The following AARSD1 variants were observed in gnomAD, a reference collection of about 807,000 sequenced individuals.
AARSD1 encodes the protein alanyl-tRNA editing protein Aarsd1.
In AARSD1, 44 loss-of-function variants were observed where a neutral mutation model predicts 48.7. That is an observed-to-expected ratio of 0.90 (90% CI 0.71 to 1.16). The LOEUF is 1.16. AARSD1 is among the 50% of genes most tolerant of loss of function. The pLI is 0.00. For synonymous variants in AARSD1, 189 were observed against 194.9 expected, an observed-to-expected ratio of 0.97 and a Z score of 0.25; for missense variants, 511 against 523.1, an observed-to-expected ratio of 0.98 and a Z score of 0.23.
At chr17:42,956,778 C>A (rs1226102489) in intron 4 of AARSD1, among the ~76,000 whole-genome samples, 1 of 139,184 alleles carries the variant, frequency 7.2e-6, no homozygotes, top group Non-Finnish European at 1.5e-5. Context: ...CGCCATTCAC[C>A]TGCCTCAGCC....
chr17:42,955,676 C>CTTAA, intron 7 of AARSD1, 166 bp downstream of exon 7: 1 of 1,162,556 alleles, frequency 8.6e-7, no homozygotes, highest in Non-Finnish European at 1.2e-6. Context: ...CTCCTGACCT[C>CTTAA]GTGATCCGCC....
chr17:42,956,063 T>C (rs1309147237), intron 6 of AARSD1, 91 bp from the exon 7 acceptor site: 11 of 1,609,644 alleles, frequency 6.8e-6, no homozygotes, highest in Non-Finnish European at 9.3e-6. Context: ...GAGAAACCTA[T>C]CTGTTCCTCA....
intron 3 of AARSD1, among the ~76,000 whole-genome samples, chr17:42,960,749 C>T (rs1185600445): frequency 2.7e-5 from 4 of 149,344 alleles, no homozygotes; most frequent in Non-Finnish European, 5.9e-5. Context: ...AGAAAAGAAA[C>T]CAACAGGACT....
intron 9 of AARSD1, among the ~76,000 whole-genome samples, chr17:42,954,432 CT>C (rs200812055): frequency 1.4e-4 from 20 of 147,674 alleles, no homozygotes; most frequent in Admixed American, 1.4e-4. Flanking sequence ...TAACATATTT[CT>C]TTTTTTTTTT....
intron 10 of AARSD1, among the ~76,000 whole-genome samples, chr17:42,953,440 G>A (rs58488793): frequency 0.012 from 1,807 of 152,206 alleles, 33 homozygotes; most frequent in African/African-American, 0.041. Context: ...TGGATCCCCA[G>A]CACACATAAA....
chr17:42,958,428 G>A (rs1339034706), intron 3 of AARSD1, among the ~76,000 whole-genome samples: 1 of 151,750 alleles, frequency 6.6e-6, no homozygotes, highest in Non-Finnish European at 1.5e-5. Flanking sequence ...AGGGGTGGAA[G>A]TTGCAGTGAG....
chr17:42,957,070 C>T, intron 4 of AARSD1, 68 bp downstream of exon 4: 1 of 1,589,390 alleles, frequency 6.3e-7, no homozygotes, highest in Non-Finnish European at 8.6e-7. Flanking sequence ...AAGCAATTCT[C>T]CCACCTCCGC....
Position 42,964,410 on chromosome 17 carries a change from C to T in AARSD1, c.31G>A (p.Ala11Thr), listed in dbSNP as rs1338085768. 10 of 1,551,314 alleles carry T rather than the reference C, an allele frequency of 6.4e-6. No homozygotes were observed. Among genetic ancestry groups the T allele is most frequent in the Non-Finnish European group, 8.7e-6 (10 of 1,147,238 alleles). Reference protein sequence around the residue: MAFWCQRDSYAREFTTTVVSC... With the variant: MAFWCQRDSYTREFTTTVVSC... The stretch of plus-strand genomic sequence containing the variant: ...TCGCCGTGACGCCGTACCTCTCGGG[C>T]ATAACTGTCACGCTGACACCAGAAC... Residue 11 changes from alanine to threonine, a missense_variant, in exon 1 of 12, where the codon GCC (alanine) becomes ACC (threonine). Coordinates refer to ENST00000427569, the MANE Select transcript of AARSD1 (RefSeq NM_001261434.2).
chr17:42,963,410 A>AAAAG (rs540158094), intron 2 of AARSD1, among the ~76,000 whole-genome samples: 7 of 151,834 alleles, frequency 4.6e-5, no homozygotes, highest in African/African-American at 9.7e-5. Flanking sequence ...CTCAAAAAAA[A>AAAAG]AAAGAAAGAA....
At chr17:42,955,665 T>C in intron 7 of AARSD1, 177 bp downstream of exon 7, 1 of 990,520 alleles carries the variant, frequency 1.0e-6, no homozygotes, top group Non-Finnish European at 1.4e-6. Flanking sequence ...AAGGTCTTGA[T>C]CTCCTGACCT....
At chr17:42,960,106 T>TA (rs1296276579) in intron 3 of AARSD1, among the ~76,000 whole-genome samples, 1 of 151,400 alleles carries the variant, frequency 6.6e-6, no homozygotes. Flanking sequence ...CCGTCTCTAC[T>TA]AAAAATACAA....
chr17:42,960,918 A>T, intron 3 of AARSD1: 1 of 351,976 alleles, frequency 2.8e-6, no homozygotes, highest in Non-Finnish European at 4.8e-6. Flanking sequence ...GGACATTTTG[A>T]GTTTGAAAAG....
intron 7 of AARSD1, 63 bp downstream of exon 7, chr17:42,955,779 G>T (rs2053123558): frequency 6.2e-7 from 1 of 1,606,102 alleles, no homozygotes; most frequent in African/African-American, 1.3e-5. Flanking sequence ...TCTCCCAGAG[G>T]TAAGAGATTA....
At chr17:42,957,333 G>A in intron 3 of AARSD1, 138 bp from the exon 4 acceptor site, 2 of 1,028,706 alleles carry the variant, frequency 1.9e-6, no homozygotes, top group Non-Finnish European at 2.7e-6. Flanking sequence ...ATACACTTTA[G>A]ATACTTTATT....
chr17:42,960,695 C>G (rs2049623645), intron 3 of AARSD1, among the ~76,000 whole-genome samples: 1 of 149,190 alleles, frequency 6.7e-6, no homozygotes, highest in Non-Finnish European at 1.5e-5. Context: ...GCACTCCAGC[C>G]TGGGTGACAG....
At chr17:42,956,125 C>G (rs763967598) in intron 6 of AARSD1, 79 bp downstream of exon 6, 2 of 1,611,102 alleles carry the variant, frequency 1.2e-6, no homozygotes. Flanking sequence ...GATTATCCCC[C>G]TCTCCCACTC....
chr17:42,959,999 A>G (rs2049611295), intron 3 of AARSD1, among the ~76,000 whole-genome samples: 1 of 151,876 alleles, frequency 6.6e-6, no homozygotes, highest in Non-Finnish European at 1.5e-5. Flanking sequence ...AGCTGGGCGC[A>G]GTGGCTCCCG....
At chr17:42,959,695 C>T (rs1184336807) in intron 3 of AARSD1, among the ~76,000 whole-genome samples, 2 of 149,508 alleles carry the variant, frequency 1.3e-5, no homozygotes, top group African/African-American at 4.9e-5. Context: ...GATGGAGTCT[C>T]GCTCTGTCGC....
chr17:42,957,133 C>T lies in AARSD1; in HGVS notation c.389+5G>A. The stretch of plus-strand genomic sequence containing the variant: ...CCTACAGTTAGTCTTATGCCTCCCA[C>T]TCACCATGATGTTGTCTTCAGCTTA... On this transcript the variant is annotated splice_donor_5th_base_variant and intron_variant, in intron 4 of 11. Coordinates refer to ENST00000427569, the MANE Select transcript of AARSD1 (RefSeq NM_001261434.2). 1 of 1,613,504 alleles carries T rather than the reference C, an allele frequency of 6.2e-7. No individual in the cohort carries two copies. The highest frequency in any genetic ancestry group is 8.5e-7 in the Non-Finnish European group (1 of 1,179,752).
Sources: allele counts gnomAD v4.1 joint callset (sites outside exome capture counted in the v4.1 genomes callset), GRCh38; gene constraint gnomAD v4.1.1; transcripts MANE v1.5; gene names NCBI Gene and HGNC (gene_info 2026-07-23, HGNC 2026-07-21).